Variants in FOXA3 observed in about 807,000 individuals in gnomAD.
FOXA3 encodes forkhead box A3.
Under a neutral mutation model 16.9 loss-of-function variants are expected in FOXA3, and 11 were observed. That is an observed-to-expected ratio of 0.65 (90% CI 0.41 to 1.08). FOXA3 has a LOEUF of 1.08. Ranked by LOEUF, FOXA3 falls within the 50% of genes least tolerant of loss-of-function variation. The pLI is 0.00. For missense variants in FOXA3, 423 were observed against 470.1 expected (o/e 0.90, Z 0.93); for synonymous variants, 217 against 203.3 (o/e 1.07, Z -0.57).
chr19:45,873,248 T>C lies in FOXA3; in HGVS notation c.*190T>C. On this transcript the variant is annotated 3_prime_UTR_variant, in exon 2 of 2. Coordinates refer to ENST00000302177, the MANE Select transcript of FOXA3 (RefSeq NM_004497.3). The stretch of plus-strand genomic sequence containing the variant: ...GGGGTACTGTGATAACCACCATGGA[T>C]ACATTTTGGTGGCCCACTGGGTACT... 1 of 881,368 alleles carries C rather than the reference T, an allele frequency of 1.1e-6. No homozygotes were observed. Among genetic ancestry groups the C allele is most frequent in the African/African-American group, 1.7e-5 (1 of 59,426 alleles). The allele number at this position is 881,368 out of a possible 1,614,324, so 54.6% of individuals were successfully genotyped here.
rs771010717 is a variant in FOXA3 at position 45,872,733 on chromosome 19, C to T, written c.728C>T (p.Pro243Leu). The T allele has an allele frequency of 6.2e-7, 1 of 1,601,802 alleles. No homozygotes were observed. The highest frequency in any genetic ancestry group is 1.1e-5 in the South Asian group (1 of 90,140). Reference sequence around the variant, plus strand: ...GGGTCTGCTGCCTCGACCACCACCCCCGCGGCCACAGTCACCTCCCCGCCC... The same window carrying T: ...GGGTCTGCTGCCTCGACCACCACCCTCGCGGCCACAGTCACCTCCCCGCCC... The part of the protein sequence containing the change: ...GTGSAASTTT[P>L]AATVTSPPQP... Residue 243 changes from proline to leucine, a missense_variant, in exon 2 of 2, where the codon CCC (proline) becomes CTC (leucine). Transcript: ENST00000302177. This position sits in a 1 kb window ranked among gnomAD's most constrained non-coding sequence, Gnocchi z 4.5.
chr19:45,872,281 C>T lies in FOXA3; in HGVS notation c.276C>T (p.Tyr92=), dbSNP rs942168323. Residue 92 remains tyrosine (Y), a synonymous_variant, in exon 2 of 2, where the codon TAC becomes TAT. Transcript: ENST00000302177. This position sits in a 1 kb window ranked among gnomAD's most constrained non-coding sequence, Gnocchi z 4.5. The part of the protein sequence containing the change: ...GVSGGSSSSG[Y]GAPGPGLVHG... ...GCGGTGGCAGCAGCAGCTCCGGGTA[C>T]GGGGCCCCGGGTCCTGGGCTGGTGC... 1.8e-5 allele frequency: 29 copies of T among 1,612,698 alleles called. No homozygotes were observed. In the East Asian group the frequency reaches 4.9e-4, roughly 27 times the overall value.
At chr19:45,870,502 G>A (rs1270733629) in intron 1 of FOXA3, among the ~76,000 whole-genome samples, 1 of 151,572 alleles carries the variant, frequency 6.6e-6, no homozygotes, top group Non-Finnish European at 1.5e-5. Context: ...TACTAAAATT[G>A]AGAACTGCTG....
chr19:45,868,126 G>A (rs1972103316), intron 1 of FOXA3, among the ~76,000 whole-genome samples: 1 of 152,078 alleles, frequency 6.6e-6, no homozygotes, highest in Non-Finnish European at 1.5e-5. Flanking sequence ...GATTCAAAGA[G>A]ACATGATGAA....
rs770653701 is a variant in FOXA3 at position 45,872,900 on chromosome 19, A to C, written c.895A>C (p.Asn299His). 1.2e-6 allele frequency: 2 copies of C among 1,613,958 alleles called. No individual in the cohort carries two copies. The highest frequency in any genetic ancestry group is 1.1e-5 in the South Asian group (1 of 91,080). The change falls in exon 2 of 2, where the codon AAC becomes CAC. Residue 299 changes from asparagine to histidine, a missense_variant. Physicochemically the swap from Asn to His is moderately conservative, Grantham distance 68 (BLOSUM62 1). Around this residue, in one of 3 missense-constraint regions of FOXA3, gnomAD observed 168 missense variants for 179.3 expected, o/e 0.94. Coordinates refer to ENST00000302177, the MANE Select transcript of FOXA3 (RefSeq NM_004497.3). The surrounding 1 kb of genome is among the most constrained non-coding windows in gnomAD (Gnocchi z 4.5). The stretch of plus-strand genomic sequence containing the variant: ...GGAGCTGAAGCTGGACGCGCCCTAC[A>C]ACTTCAACCACCCTTTCTCCATCAA... ...PGELKLDAPY[N>H]FNHPFSINNL...
chr19:45,872,166 G>T lies in FOXA3; in HGVS notation c.161G>T (p.Gly54Val). 1 of 1,588,338 alleles carries T rather than the reference G, an allele frequency of 6.3e-7. No individual in the cohort carries two copies. Among genetic ancestry groups the T allele is most frequent in the African/African-American group, 1.3e-5 (1 of 74,280 alleles). Residue 54 changes from glycine (G) to valine (V), a missense_variant, in exon 2 of 2, where the codon GGG (glycine) becomes GTG (valine). Physicochemically the swap from Gly to Val is moderately radical, Grantham distance 109. Around this residue, in one of 3 missense-constraint regions of FOXA3, gnomAD observed 170 missense variants for 153.9 expected, o/e 1.10. Coordinates refer to ENST00000302177, the MANE Select transcript of FOXA3 (RefSeq NM_004497.3). The surrounding 1 kb of genome is among the most constrained non-coding windows in gnomAD (Gnocchi z 4.5). ...CTAAGCTCTCCCTATCCCCCTGGGG[G>T]GCTCCCTGCCTCCCCACTGCCCTCA... Reference protein sequence around the residue: ...NPLSSPYPPGGLPASPLPSGP... With the variant: ...NPLSSPYPPGVLPASPLPSGP...
rs34586958 is a variant in FOXA3 at position 45,868,577 on chromosome 19, T to TAAA, written c.70-3480_70-3478dup. Among the ~76,000 whole-genome samples, 13 of 116,602 alleles carry TAAA rather than the reference T, an allele frequency of 1.1e-4. No individual in the cohort carries two copies. In the East Asian group the frequency reaches 2.9e-3, roughly 26 times the overall value. The allele number at this position is 116,602 out of a possible 152,430, so 76.5% of individuals were successfully genotyped here. Reference sequence around the variant, plus strand: ...CCTGGGCGATACAGTGAGACTCTCTTAAAAAAAAAAAAAAAAAAAAGCTTA... The same window carrying TAAA: ...CCTGGGCGATACAGTGAGACTCTCTTAAAAAAAAAAAAAAAAAAAAAAAGCTTA... On this transcript the variant is annotated intron_variant, in intron 1 of 1. Coordinates refer to ENST00000302177, the MANE Select transcript of FOXA3 (RefSeq NM_004497.3).
rs752304015 is a variant in FOXA3 at position 45,872,083 on chromosome 19, G to A, written c.78G>A (p.Ser26=). The A allele has an allele frequency of 2.0e-4, 315 of 1,610,448 alleles. 1 individual carries two copies. The highest frequency in any genetic ancestry group is 2.6e-4 in the Non-Finnish European group (303 of 1,178,156). The change falls in exon 2 of 2, where the codon TCG becomes TCA. Residue 26 remains serine, a synonymous_variant. Coordinates refer to ENST00000302177, the MANE Select transcript of FOXA3 (RefSeq NM_004497.3). The surrounding 1 kb of genome is among the most constrained non-coding windows in gnomAD (Gnocchi z 4.5). ...SYYPEAGEVY[S]PVTPVPTMAP... ...TTTCATCTTTCCCCTAGGTCTACTC[G>A]CCGGTGACCCCAGTGCCCACCATGG...
Position 45,873,054 on chromosome 19 carries a change from C to T in FOXA3, c.1049C>T (p.Ser350Phe), listed in dbSNP as rs201921681. ...GLYSRSLLNA[S>F] ...TATTCCCGCTCTTTGCTTAATGCAT[C>T]CTAGCAGGGGTTGGGAACATGGTGG... The change falls in exon 2 of 2, where the codon TCC becomes TTC. Residue 350 changes from serine (S) to phenylalanine (F), a missense_variant. Coordinates refer to ENST00000302177, the MANE Select transcript of FOXA3 (RefSeq NM_004497.3). The T allele has an allele frequency of 3.2e-4, 515 of 1,588,920 alleles. No individual in the cohort carries two copies. The highest frequency in any genetic ancestry group is 4.2e-4 in the Non-Finnish European group (493 of 1,167,038).
chr19:45,872,777 C>T lies in FOXA3; in HGVS notation c.772C>T (p.Pro258Ser). 4 of 1,611,252 alleles carry T rather than the reference C, an allele frequency of 2.5e-6. No homozygotes were observed. Among genetic ancestry groups the T allele is most frequent in the African/African-American group, 1.3e-5 (1 of 75,020 alleles). The change falls in exon 2 of 2, where the codon CCT becomes TCT. Residue 258 changes from proline (P) to serine (S), a missense_variant. Pro to Ser is a moderately conservative substitution (Grantham distance 74). Coordinates refer to ENST00000302177, the MANE Select transcript of FOXA3 (RefSeq NM_004497.3). This position sits in a 1 kb window ranked among gnomAD's most constrained non-coding sequence, Gnocchi z 4.5. ...CCCGCCCCAGCCCCCGCCTCCAGCCCCTGAGCCTGAGGCCCAGGGCGGGGA... is the reference window on the plus strand; with the variant it reads ...CCCGCCCCAGCCCCCGCCTCCAGCCTCTGAGCCTGAGGCCCAGGGCGGGGA... ...TSPPQPPPPA[P>S]EPEAQGGEDV... is the part of the protein sequence containing the mutation.
intron 1 of FOXA3, among the ~76,000 whole-genome samples, chr19:45,865,722 G>T (rs1223021927): frequency 1.3e-5 from 2 of 152,102 alleles, no homozygotes; most frequent in Non-Finnish European, 2.9e-5. Context: ...GGCCTTCAGG[G>T]CTGGGCAAGG....
At chr19:45,865,271 T>A (rs1323865148) in intron 1 of FOXA3, among the ~76,000 whole-genome samples, 1 of 152,026 alleles carries the variant, frequency 6.6e-6, no homozygotes, top group Non-Finnish European at 1.5e-5. Context: ...TTTTAGATTG[T>A]GCACCTTCCC....
chr19:45,872,755 GCCCCAGCCCCCGC>G lies in FOXA3; in HGVS notation c.752_764del (p.Pro251LeufsTer38). On this transcript the variant is annotated frameshift_variant, in exon 2 of 2. Coordinates refer to ENST00000302177, the MANE Select transcript of FOXA3 (RefSeq NM_004497.3). LOFTEE classifies it high-confidence loss of function. This position sits in a 1 kb window ranked among gnomAD's most constrained non-coding sequence, Gnocchi z 4.5. ...CCCCCGCGGCCACAGTCACCTCCCC[GCCCCAGCCCCCGC>G]CTCCAGCCCCTGAGCCTGAGGCCCA... 4 of 1,605,452 alleles carry G rather than the reference GCCCCAGCCCCCGC, an allele frequency of 2.5e-6. No homozygotes were observed. Among genetic ancestry groups the G allele is most frequent in the Non-Finnish European group, 3.4e-6 (4 of 1,176,896 alleles).
At chr19:45,868,963 C>G (rs1219519512) in intron 1 of FOXA3, among the ~76,000 whole-genome samples, 1 of 152,070 alleles carries the variant, frequency 6.6e-6, no homozygotes, top group Non-Finnish European at 1.5e-5. Context: ...GAGTCTTGCT[C>G]TGTTGCCCAG....
intron 1 of FOXA3, among the ~76,000 whole-genome samples, chr19:45,870,983 G>A (rs919235185): frequency 6.6e-6 from 1 of 152,080 alleles, no homozygotes; most frequent in African/African-American, 2.4e-5. Context: ...CCAGCTACTT[G>A]GGAGGCTGAG....
At chr19:45,866,243 C>G (rs1972084038) in intron 1 of FOXA3, among the ~76,000 whole-genome samples, 1 of 151,722 alleles carries the variant, frequency 6.6e-6, no homozygotes, top group South Asian at 2.1e-4. Flanking sequence ...GAGACCTTGT[C>G]TTTAAAAAAA....
intron 1 of FOXA3, among the ~76,000 whole-genome samples, chr19:45,865,184 G>A (rs1301993162): frequency 2.6e-5 from 4 of 152,026 alleles, no homozygotes; most frequent in Non-Finnish European, 5.9e-5. Context: ...AGCATTGGCA[G>A]GAGAGGGGCC....
At chr19:45,866,401 C>A (rs1277234290) in intron 1 of FOXA3, among the ~76,000 whole-genome samples, 1 of 151,920 alleles carries the variant, frequency 6.6e-6, no homozygotes, top group Non-Finnish European at 1.5e-5. Context: ...CAGAATGAGA[C>A]CCTATCTCAA....
At chr19:45,871,999 A>T in intron 1 of FOXA3, 76 bp from the exon 2 acceptor site, 1 of 1,404,900 alleles carries the variant, frequency 7.1e-7, no homozygotes, top group African/African-American at 1.4e-5. Flanking sequence ...ACAGACGGAC[A>T]CTCAGTGGGT....
Sources: allele counts gnomAD v4.1 joint callset (sites outside exome capture counted in the v4.1 genomes callset), GRCh38; gene constraint gnomAD v4.1.1; regional missense constraint gnomAD v4.1.1; non-coding constraint Gnocchi (gnomAD v3.1); transcripts MANE v1.5; gene names NCBI Gene and HGNC (gene_info 2026-07-23, HGNC 2026-07-21).